The following CPNE4 variants were observed in gnomAD, a reference collection of about 807,000 sequenced individuals.
CPNE4 encodes copine-4.
CPNE4 carries 25 observed loss-of-function variants against 67.9 expected under a neutral mutation model. The ratio of observed to expected loss-of-function variants is 0.37; its 90% CI spans 0.27 to 0.51. The LOEUF (loss-of-function observed/expected upper bound fraction) is 0.51, where lower values mean the gene tolerates loss of function less well. Ranked by LOEUF, CPNE4 falls within the 20% of genes least tolerant of loss-of-function variation. The probability of loss-of-function intolerance (pLI) is 0.93; values close to 1 mark genes in which losing one functional copy is unlikely to be tolerated. For missense variants in CPNE4, 464 were observed against 690.8 expected (o/e 0.67, Z 3.68); for synonymous variants, 242 against 244.9 (o/e 0.99, Z 0.11).
At chr3:131,729,644 T>G (rs1251548450) in intron 2 of CPNE4, among the ~76,000 whole-genome samples, 4 of 152,224 alleles carry the variant, frequency 2.6e-5, no homozygotes, top group African/African-American at 9.6e-5. Flanking sequence ...TCTACTTTGT[T>G]AGGATTAAAA....
intron 5 of CPNE4, among the ~76,000 whole-genome samples, chr3:131,691,258 G>A (rs540687098): frequency 2.4e-4 from 37 of 152,118 alleles, no homozygotes; most frequent in Admixed American, 1.0e-3. Context: ...GCACTTGTAT[G>A]TTCATCAAAG....
intron 6 of CPNE4, among the ~76,000 whole-genome samples, chr3:131,682,501 G>C (rs2080783408): frequency 6.6e-6 from 1 of 152,152 alleles, no homozygotes; most frequent in Non-Finnish European, 1.5e-5. Context: ...AATGGAGTCT[G>C]TCTGTAATGA....
intron 10 of CPNE4, among the ~76,000 whole-genome samples, chr3:131,570,467 C>T (rs1937282891): frequency 6.6e-6 from 1 of 151,956 alleles, no homozygotes; most frequent in African/African-American, 2.4e-5. Flanking sequence ...GGTATATCTC[C>T]CCCATTTTTT....
intron 1 of CPNE4, among the ~76,000 whole-genome samples, chr3:131,915,305 G>C (rs949435804): frequency 6.6e-6 from 1 of 152,162 alleles, no homozygotes; most frequent in African/African-American, 2.4e-5. Context: ...AATCTCTAAG[G>C]TGTAGTGTAT....
At chr3:131,951,817 G>A (rs1043520169) in intron 1 of CPNE4, among the ~76,000 whole-genome samples, 2 of 151,950 alleles carry the variant, frequency 1.3e-5, no homozygotes, top group Admixed American at 1.3e-4. Context: ...CGCCAGCCTC[G>A]GCCTCCCGAG....
chr3:131,797,181 G>A (rs1214737738), intron 2 of CPNE4, among the ~76,000 whole-genome samples: 5 of 152,150 alleles, frequency 3.3e-5, no homozygotes. Context: ...AAGGAGGGAT[G>A]GGCTCAAAGC....
intron 7 of CPNE4, among the ~76,000 whole-genome samples, chr3:131,655,992 T>G (rs2079949124): frequency 1.3e-5 from 2 of 151,500 alleles, no homozygotes; most frequent in African/African-American, 4.8e-5. Flanking sequence ...TCTAAGATTT[T>G]AGGCCTCTTT....
chr3:131,604,760 T>G (rs754904615), intron 7 of CPNE4, among the ~76,000 whole-genome samples: 1 of 147,392 alleles, frequency 6.8e-6, no homozygotes, highest in Non-Finnish European at 1.5e-5. Context: ...CTTAATAAAC[T>G]CCCCTTTATA....
chr3:131,958,629 T>A (rs1319652250), intron 1 of CPNE4, among the ~76,000 whole-genome samples: 1 of 131,804 alleles, frequency 7.6e-6, no homozygotes, highest in Non-Finnish European at 1.6e-5. Context: ...TTTTTTTTTT[T>A]TTTTTTTTTT....
intron 2 of CPNE4, among the ~76,000 whole-genome samples, chr3:131,904,301 A>G (rs2088663114): frequency 6.6e-6 from 1 of 151,586 alleles, no homozygotes. Context: ...CCATCTCCTT[A>G]CTTCTGAATC....
chr3:131,790,395 A>G (rs879377802), intron 2 of CPNE4, among the ~76,000 whole-genome samples: 1 of 152,070 alleles, frequency 6.6e-6, no homozygotes, highest in East Asian at 1.9e-4. Flanking sequence ...CTGCAGGCCA[A>G]TTGGGACCTG....
intron 9 of CPNE4, among the ~76,000 whole-genome samples, chr3:131,576,429 A>G (rs1483078473): frequency 6.6e-6 from 1 of 152,174 alleles, no homozygotes; most frequent in African/African-American, 2.4e-5. Flanking sequence ...GTGTGTACAC[A>G]GTCACCTTAA....
chr3:131,755,916 G>T (rs16837784), intron 2 of CPNE4, among the ~76,000 whole-genome samples: 40,094 of 152,004 alleles, frequency 0.26, 5,483 homozygotes, highest in South Asian at 0.31. Flanking sequence ...ATATCCAAGA[G>T]AAATTTTTGA....
At chr3:131,970,098 G>A (rs2072461990) in intron 1 of CPNE4, among the ~76,000 whole-genome samples, 1 of 152,142 alleles carries the variant, frequency 6.6e-6, no homozygotes, top group Non-Finnish European at 1.5e-5. Flanking sequence ...GACTTGCTTT[G>A]GCCAGTGAAA....
At chr3:131,751,834 T>C (rs902434005) in intron 2 of CPNE4, among the ~76,000 whole-genome samples, 8 of 151,874 alleles carry the variant, frequency 5.3e-5, no homozygotes, top group African/African-American at 1.9e-4. Context: ...GCAGGGGAAC[T>C]GCCTCATTAC....
chr3:131,709,783 C>T (rs1439999090), intron 3 of CPNE4, among the ~76,000 whole-genome samples: 1 of 152,214 alleles, frequency 6.6e-6, no homozygotes, highest in Non-Finnish European at 1.5e-5. Context: ...AAGCTTTCAG[C>T]ATAGGGTCTG....
chr3:131,800,018 G>A (rs1032202255), intron 2 of CPNE4, among the ~76,000 whole-genome samples: 3 of 150,742 alleles, frequency 2.0e-5, no homozygotes, highest in Non-Finnish European at 4.4e-5. Context: ...AGATTCAGAG[G>A]GTACATATGC....
rs79601269 is a variant in CPNE4, at chr3:131,589,464, C to T, written c.682-1882G>A. 7.7e-4 allele frequency among the ~76,000 whole-genome samples: 118 copies of T among 152,290 alleles called. No individual in the cohort carries two copies. The East Asian group carries it at 0.014, about 17-fold the overall frequency. On this transcript the variant is annotated intron_variant, in intron 7 of 15. Transcript: ENST00000429747. ...GCTTTGTTCTAGCCGTGCTAGCAGC[C>T]GATTGGATAGTGCCCACCCATGTTG... is the stretch of plus-strand genomic sequence containing the variant.
chr3:132,023,033 C>T (rs1017335810), intron 1 of CPNE4, among the ~76,000 whole-genome samples: 2 of 152,170 alleles, frequency 1.3e-5, no homozygotes, highest in Non-Finnish European at 2.9e-5. Context: ...GCCAGAGCAT[C>T]AAAGTGTCTG....
Sources: allele counts gnomAD v4.1 joint callset (sites outside exome capture counted in the v4.1 genomes callset), GRCh38; gene constraint gnomAD v4.1.1; transcripts MANE v1.5; gene names NCBI Gene and HGNC (gene_info 2026-07-23, HGNC 2026-07-21).